LAMA2: variants seen among roughly 807,000 people sequenced by gnomAD.
LAMA2 encodes laminin subunit alpha-2.
LAMA2 carries 269 observed loss-of-function variants against 364.8 expected under a neutral mutation model. That is an observed-to-expected ratio of 0.74 (90% confidence interval 0.67 to 0.82). The LOEUF (loss-of-function observed/expected upper bound fraction) is 0.82, where lower values mean the gene tolerates loss of function less well. Ranked by LOEUF, LAMA2 falls within the 40% of genes least tolerant of loss-of-function variation. LAMA2 has a pLI of 0.00. For missense variants in LAMA2, 3,807 were observed against 3,873.2 expected, an observed-to-expected ratio of 0.98 and a Z score of 0.45; for synonymous variants, 1,379 against 1,370.6, an observed-to-expected ratio of 1.01 and a Z score of -0.14.
chr6:129,516,286 T>TTAA lies in LAMA2; in HGVS notation c.9310_9312dup (p.Asn3104dup). ...AAAGGCACAGGCAAGCCACTGGAGG[T>TTAA]TAATTTTGCCAAGGCCCTGGAACTG... On this transcript the variant is annotated inframe_insertion, in exon 65 of 65. Coordinates refer to ENST00000421865, the MANE Select transcript of LAMA2 (RefSeq NM_000426.4). The TTAA allele has an allele frequency of 1.2e-6, 2 of 1,614,048 alleles. No individual in the cohort carries two copies. Among genetic ancestry groups the TTAA allele is most frequent in the Non-Finnish European group, 1.7e-6 (2 of 1,179,978 alleles).
chr6:129,349,343 C>T lies in LAMA2; in HGVS notation c.4482C>T (p.Cys1494=). Residue 1494 remains cysteine, a synonymous_variant, in exon 31 of 65, where the codon TGC becomes TGT. Coordinates refer to ENST00000421865, the MANE Select transcript of LAMA2 (RefSeq NM_000426.4). ...CAGAAGGACTTGACGACTACCGCTG[C>T]ACGGCTTGTCCACGGGGATATGAAG... ...CVAEGLDDYR[C]TACPRGYEGQ... 1 of 1,613,634 alleles carries T rather than the reference C, an allele frequency of 6.2e-7. No individual in the cohort carries two copies. Among genetic ancestry groups the T allele is most frequent in the South Asian group, 1.1e-5 (1 of 91,086 alleles).
intron 1 of LAMA2, among the ~76,000 whole-genome samples, chr6:128,889,731 A>C (rs779776317): frequency 6.6e-6 from 1 of 152,220 alleles, no homozygotes; most frequent in African/African-American, 2.4e-5. Flanking sequence ...GGTAATTACT[A>C]TCTAAAGATA....
intron 15 of LAMA2, among the ~76,000 whole-genome samples, chr6:129,261,114 A>C (rs565474618): frequency 8.5e-5 from 13 of 152,186 alleles, no homozygotes; most frequent in South Asian, 6.2e-4. Context: ...TGGTAGCAGA[A>C]TAGCACTTCA....
rs773802779 is a variant in LAMA2, at chr6:129,460,215, C to G, written c.6883C>G (p.Arg2295Gly). The change falls in exon 49 of 65, where the codon CGT becomes GGT. Residue 2295 changes from arginine (R) to glycine (G), a missense_variant. By Grantham distance (125) the Arg-to-Gly change is moderately radical (BLOSUM62 -2). Around this residue, in one of 3 missense-constraint regions of LAMA2, gnomAD observed 3,333 missense variants for 3,345.7 expected, o/e 1.00. Transcript: ENST00000421865. ...TGKLKKADAV[R>G]VITFTGCMGE... ...CTTTCTGCAGAAGGCTGATGCTGTA[C>G]GTGTGATTACATTCACTGGCTGCAT... is the stretch of plus-strand genomic sequence containing the variant. 6.2e-7 allele frequency: 1 copy of G among 1,611,696 alleles called. No individual in the cohort carries two copies. The highest frequency in any genetic ancestry group is 2.2e-5 in the East Asian group (1 of 44,794).
chr6:129,181,798 G>A (rs1353154240), intron 10 of LAMA2, among the ~76,000 whole-genome samples: 1 of 151,808 alleles, frequency 6.6e-6, no homozygotes, highest in Non-Finnish European at 1.5e-5. Context: ...TAATGAAGGA[G>A]AGAAGAATGA....
intron 3 of LAMA2, among the ~76,000 whole-genome samples, chr6:129,086,685 C>CCTA (rs1462612376): frequency 2.6e-5 from 4 of 152,136 alleles, no homozygotes; most frequent in Non-Finnish European, 4.4e-5. Context: ...GCACAAATTA[C>CCTA]CTAGTGTATC....
Position 129,316,162 on chromosome 6 carries a change from G to T in LAMA2, c.4049G>T (p.Arg1350Leu). 1.9e-6 allele frequency: 3 copies of T among 1,603,234 alleles called. No individual in the cohort carries two copies. In the South Asian group the frequency reaches 3.3e-5, roughly 18 times the overall value. The part of the protein sequence containing the change: ...LIKATYGNFM[R>L]QSRISEISME... ...AAAGCTACTTATGGAAATTTCATGC[G>T]ACAAAGCAGGTAAACTCTAATAGAA... The change falls in exon 27 of 65, where the codon CGA (arginine) becomes CTA (leucine). Residue 1350 changes from arginine (R) to leucine (L), a missense_variant. Arg to Leu is a moderately radical substitution (Grantham distance 102). This residue lies in a region of LAMA2 where 3,333 missense variants were observed against 3,345.7 expected (regional missense o/e 1.00). Transcript: ENST00000421865.
chr6:129,402,447 C>T lies in LAMA2; in HGVS notation c.5686C>T (p.His1896Tyr), dbSNP rs1381462522. The T allele has an allele frequency of 6.2e-7, 1 of 1,614,092 alleles. No individual in the cohort carries two copies. Among genetic ancestry groups the T allele is most frequent in the South Asian group, 1.1e-5 (1 of 91,066 alleles). The change falls in exon 39 of 65, where the codon CAC becomes TAC. Residue 1896 changes from histidine to tyrosine, a missense_variant. Physicochemically the swap from His to Tyr is moderately conservative, Grantham distance 83. Coordinates refer to ENST00000421865, the MANE Select transcript of LAMA2 (RefSeq NM_000426.4). ...LAEKVSQAES[H>Y]AAQLNDSSAV... ...TGAGAAGGTGTCCCAGGCTGAGAGC[C>T]ACGCAGCTCAGTTGAATGACTCATC...
chr6:129,411,939 A>C (rs6569601), intron 40 of LAMA2, among the ~76,000 whole-genome samples: 76,164 of 151,880 alleles, frequency 0.5, 19,591 homozygotes, highest in African/African-American at 0.62. Flanking sequence ...AGACTAATAA[A>C]ATGGAAAATG....
intron 35 of LAMA2, among the ~76,000 whole-genome samples, chr6:129,391,000 A>G (rs1779286473): frequency 6.6e-6 from 1 of 152,126 alleles, no homozygotes; most frequent in African/African-American, 2.4e-5. Context: ...CACTCCTTTA[A>G]AAAATGAACA....
At chr6:129,279,529 G>A (rs1788562369) in intron 17 of LAMA2, among the ~76,000 whole-genome samples, 1 of 152,180 alleles carries the variant, frequency 6.6e-6, no homozygotes. Flanking sequence ...AAGCTTTCCT[G>A]AGGATTCCAT....
intron 3 of LAMA2, among the ~76,000 whole-genome samples, chr6:129,080,375 C>A (rs1489713955): frequency 6.6e-6 from 1 of 152,114 alleles, no homozygotes; most frequent in Non-Finnish European, 1.5e-5. Context: ...GTGAGAATCT[C>A]ACTAAAAACA....
chr6:128,936,681 C>T (rs1779832636), intron 1 of LAMA2, among the ~76,000 whole-genome samples: 2 of 152,158 alleles, frequency 1.3e-5, no homozygotes, highest in African/African-American at 2.4e-5. Flanking sequence ...AATGTTGTCT[C>T]TCTCACTCCC....
At chr6:129,336,439 A>T (rs566081366) in intron 29 of LAMA2, among the ~76,000 whole-genome samples, 46 of 152,354 alleles carry the variant, frequency 3.0e-4, no homozygotes, top group African/African-American at 9.9e-4. Flanking sequence ...TCATATCTCA[A>T]ATTCAGCAAA....
chr6:129,158,678 A>G, intron 8 of LAMA2: 1 of 1,614,186 alleles, frequency 6.2e-7, no homozygotes, highest in Non-Finnish European at 8.5e-7. Flanking sequence ...GAATGCTGCC[A>G]TCAAAAAACG....
At chr6:128,886,553 T>G (rs1283631512) in intron 1 of LAMA2, among the ~76,000 whole-genome samples, 1 of 152,042 alleles carries the variant, frequency 6.6e-6, no homozygotes, top group Non-Finnish European at 1.5e-5. Context: ...GAGAGCAGAA[T>G]GGTTAAGAGT....
chr6:129,378,695 G>A (rs376530812), intron 34 of LAMA2, among the ~76,000 whole-genome samples: 157 of 152,228 alleles, frequency 1.0e-3, no homozygotes, highest in African/African-American at 3.4e-3. Context: ...ACAAAATAGT[G>A]TTGGGTACAA....
chr6:129,134,491 C>T (rs190163413), intron 4 of LAMA2, among the ~76,000 whole-genome samples: 4 of 152,244 alleles, frequency 2.6e-5, no homozygotes, highest in Admixed American at 2.6e-4. Flanking sequence ...GCCCAGCAGT[C>T]CCCAACCTTT....
At chr6:129,415,587 G>A (rs556878499) in intron 40 of LAMA2, among the ~76,000 whole-genome samples, 4 of 152,094 alleles carry the variant, frequency 2.6e-5, no homozygotes, top group African/African-American at 9.6e-5. Flanking sequence ...GACTCATGCC[G>A]GTAATCCCAG....
Sources: allele counts gnomAD v4.1 joint callset (sites outside exome capture counted in the v4.1 genomes callset), GRCh38; gene constraint gnomAD v4.1.1; regional missense constraint gnomAD v4.1.1; transcripts MANE v1.5; gene names NCBI Gene and HGNC (gene_info 2026-07-23, HGNC 2026-07-21).